Variants in SPATA6 observed in about 807,000 individuals in gnomAD.
SPATA6 encodes the protein spermatogenesis-associated protein 6.
SPATA6 carries 56 observed loss-of-function variants against 65.3 expected under a neutral mutation model. The ratio of observed to expected loss-of-function variants is 0.86; its 90% confidence interval spans 0.69 to 1.07. The LOEUF (loss-of-function observed/expected upper bound fraction) is 1.07. SPATA6 is among the 50% of genes least tolerant of loss of function. The probability of loss-of-function intolerance (pLI) is 0.00; values close to 1 mark genes in which losing one functional copy is unlikely to be tolerated. For missense variants in SPATA6, 590 were observed against 594.8 expected (o/e 0.99, Z 0.08); for synonymous variants, 199 against 213.2 (o/e 0.93, Z 0.58).
chr1:48,357,592 A>C (rs1351725256), intron 10 of SPATA6, among the ~76,000 whole-genome samples: 1 of 152,188 alleles, frequency 6.6e-6, no homozygotes, highest in African/African-American at 2.4e-5. Flanking sequence ...TGCCTGGAAC[A>C]TATAATCCAC....
intron 11 of SPATA6, among the ~76,000 whole-genome samples, chr1:48,329,257 AAATT>A (rs1434651036): frequency 1.3e-5 from 2 of 152,158 alleles, no homozygotes; most frequent in African/African-American, 4.8e-5. Context: ...ATACAACATA[AAATT>A]ATTAGATGCA....
chr1:48,417,892 TTTTG>T (rs983836855), intron 3 of SPATA6, among the ~76,000 whole-genome samples: 1 of 152,200 alleles, frequency 6.6e-6, no homozygotes, highest in Non-Finnish European at 1.5e-5. Flanking sequence ...GTTTGGTTTT[TTTTG>T]TTTGATTTTG....
chr1:48,435,862 C>T (rs11541457), intron 3 of SPATA6: 14 of 1,206,426 alleles, frequency 1.2e-5, no homozygotes, highest in East Asian at 7.0e-5. Context: ...TGGCCATGGT[C>T]GCTGCTAGGT....
chr1:48,312,074 A>C (rs1039173196), intron 11 of SPATA6, among the ~76,000 whole-genome samples: 1 of 152,196 alleles, frequency 6.6e-6, no homozygotes, highest in African/African-American at 2.4e-5. Context: ...CAGGAAGCTC[A>C]AACTCGGTGG....
intron 3 of SPATA6, chr1:48,437,338 G>A: frequency 6.7e-6 from 10 of 1,502,164 alleles, no homozygotes. Context: ...TTGGTGCACT[G>A]GAGAATCTAT....
At chr1:48,339,019 A>G (rs1052462515) in intron 11 of SPATA6, among the ~76,000 whole-genome samples, 1 of 152,036 alleles carries the variant, frequency 6.6e-6, no homozygotes, top group Non-Finnish European at 1.5e-5. Flanking sequence ...GCAGAGACAC[A>G]GTGACAAAAC....
At chr1:48,320,369 G>A (rs1221257344) in intron 11 of SPATA6, among the ~76,000 whole-genome samples, 3 of 152,066 alleles carry the variant, frequency 2.0e-5, no homozygotes, top group Non-Finnish European at 2.9e-5. Context: ...AGCAGCAAGA[G>A]AAAAACAAGT....
At chr1:48,275,911 C>A in the SPATA6 span, among the ~76,000 whole-genome samples, 3 of 152,050 alleles carry the variant, frequency 2.0e-5, no homozygotes, top group African/African-American at 7.2e-5. Flanking sequence ...GGTAATGGTA[C>A]CAGCTCCTCT....
chr1:48,302,839 C>T (rs1447718493), intron 12 of SPATA6, among the ~76,000 whole-genome samples: 3 of 152,042 alleles, frequency 2.0e-5, no homozygotes, highest in Non-Finnish European at 4.4e-5. Flanking sequence ...CTGTCTGCCC[C>T]AACCAGTATT....
chr1:48,428,775 A>ATGTGTGTGTGTGTGTGTG (rs59651745), intron 3 of SPATA6, among the ~76,000 whole-genome samples: 1,556 of 133,462 alleles, frequency 0.012, 18 homozygotes, highest in Non-Finnish European at 0.018. Flanking sequence ...AGGTGTATAT[A>ATGTGTGTGTGTGTGTGTG]TGTGTGTGTG....
At chr1:48,267,749 TG>T in the SPATA6 span, among the ~76,000 whole-genome samples, 2 of 128,416 alleles carry the variant, frequency 1.6e-5, no homozygotes, top group African/African-American at 5.8e-5. Context: ...CACTAGGGTC[TG>T]GGTTTTTTTT....
intron 8 of SPATA6, among the ~76,000 whole-genome samples, chr1:48,392,575 C>G (rs1650180342): frequency 6.6e-6 from 1 of 151,992 alleles, no homozygotes; most frequent in Non-Finnish European, 1.5e-5. Context: ...GAGCTAGAAG[C>G]TAGAAGACCT....
At chr1:48,360,143 G>A (rs1646770022) in intron 9 of SPATA6, among the ~76,000 whole-genome samples, 4 of 151,982 alleles carry the variant, frequency 2.6e-5, no homozygotes, top group Non-Finnish European at 1.5e-5. Flanking sequence ...TTCAAATTCA[G>A]GTCTAATACT....
At chr1:48,429,432 C>T (rs1654196387) in intron 3 of SPATA6, among the ~76,000 whole-genome samples, 1 of 152,080 alleles carries the variant, frequency 6.6e-6, no homozygotes, top group African/African-American at 2.4e-5. Context: ...ATACTTTAGG[C>T]TGATCTTCAA....
intron 11 of SPATA6, among the ~76,000 whole-genome samples, chr1:48,339,193 G>A (rs1235709700): frequency 6.6e-6 from 1 of 151,942 alleles, no homozygotes; most frequent in African/African-American, 2.4e-5. Flanking sequence ...AAAAACTGGA[G>A]GCTAATGCCC....
chr1:48,364,037 T>A (rs1425365693), intron 9 of SPATA6, among the ~76,000 whole-genome samples: 1 of 152,018 alleles, frequency 6.6e-6, no homozygotes, highest in African/African-American at 2.4e-5. Flanking sequence ...CACCTATGAA[T>A]GAGAACATGT....
chr1:48,325,744 G>A (rs554786712), intron 11 of SPATA6: 347 of 511,636 alleles, frequency 6.8e-4, no homozygotes, highest in African/African-American at 5.2e-3. Flanking sequence ...CAAGTATCTC[G>A]CGCAAGGTGT....
chr1:48,313,473 C>T (rs561027748), intron 11 of SPATA6, among the ~76,000 whole-genome samples: 10,063 of 152,054 alleles, frequency 0.066, 421 homozygotes, highest in Non-Finnish European at 0.093. Context: ...GAAATAAAAT[C>T]CTTTACAGAC....
At chr1:48,289,657 G>T in the SPATA6 span, among the ~76,000 whole-genome samples, 1 of 152,224 alleles carries the variant, frequency 6.6e-6, no homozygotes, top group South Asian at 2.1e-4. Flanking sequence ...GATCTTAAAT[G>T]ACCTGATGGA....
Sources: allele counts gnomAD v4.1 joint callset (sites outside exome capture counted in the v4.1 genomes callset), GRCh38; gene constraint gnomAD v4.1.1; transcripts MANE v1.5; gene names NCBI Gene and HGNC (gene_info 2026-07-23, HGNC 2026-07-21).